Variants in F8 observed in about 807,000 individuals in gnomAD.
F8 encodes antihemophilic factor.
A neutral mutation model predicts 140.6 loss-of-function variants in F8; 12 were observed. The ratio of observed to expected loss-of-function variants is 0.09; its 90% CI spans 0.05 to 0.14. The LOEUF is 0.14. Among genes scored for constraint, F8 ranks in the 10% least tolerant of loss-of-function variants. F8 has a pLI of 1.00. For missense variants in F8, 1,354 were observed against 1,720.7 expected, an observed-to-expected ratio of 0.79 and a Z score of 3.77; for synonymous variants, 585 against 614.6, an observed-to-expected ratio of 0.95 and a Z score of 0.71.
At chrX:154,927,297 TA>T (rs1557278165) in intron 14 of F8, among the ~76,000 whole-genome samples, 1 of 111,326 alleles carries the variant, frequency 9.0e-6, no homozygotes. Context: ...GGGGAGGAAA[TA>T]ATAGCATGAT....
In F8 at chrX:155,022,577, T is replaced by C. The variant is rs372143310; in HGVS notation, c.-25A>G. ...TGACTTATTGCTACAAATGTTCAAC[T>C]GGAGAAGCAAAAGGTTAATTCTTCT... is the stretch of plus-strand genomic sequence containing the variant. On this transcript the variant is annotated 5_prime_UTR_variant, in exon 1 of 26. Coordinates refer to ENST00000360256, the MANE Select transcript of F8 (RefSeq NM_000132.4). 136 of 1,210,678 alleles carry C rather than the reference T, an allele frequency of 1.1e-4. No individual in the cohort carries two copies. Among genetic ancestry groups the C allele is most frequent in the Non-Finnish European group, 1.5e-4 (133 of 895,269 alleles).
chrX:154,996,950 C>T, intron 3 of F8, 23 bp downstream of exon 3: 1 of 1,208,170 alleles, frequency 8.3e-7, no homozygotes, highest in Non-Finnish European at 1.1e-6. Context: ...AATGACAGGA[C>T]AATAGGAGGG....
intron 22 of F8, among the ~76,000 whole-genome samples, chrX:154,892,718 AG>A (rs1653268340): frequency 8.9e-6 from 1 of 112,092 alleles, no homozygotes; most frequent in Admixed American, 9.4e-5. Flanking sequence ...GATACTAGTT[AG>A]GAGGGTGGGA....
chrX:155,005,469 G>A (rs934299921), intron 1 of F8, among the ~76,000 whole-genome samples: 7 of 110,496 alleles, frequency 6.3e-5, no homozygotes, highest in African/African-American at 2.3e-4. Flanking sequence ...GATCTAGAAT[G>A]GGTAGTAGAA....
chrX:154,976,378 A>T (rs782640216), intron 6 of F8, among the ~76,000 whole-genome samples: 49 of 110,433 alleles, frequency 4.4e-4, no homozygotes, highest in East Asian at 2.3e-3. Flanking sequence ...ATCTTTTTTT[A>T]AAAAAAAATT....
intron 14 of F8, among the ~76,000 whole-genome samples, chrX:154,907,579 T>C (rs782023781): frequency 1.2e-4 from 13 of 112,244 alleles, no homozygotes; most frequent in African/African-American, 4.2e-4. Context: ...TTGCTCCAAA[T>C]TATTACAAAT....
chrX:155,003,019 G>A (rs2073654967), intron 1 of F8, among the ~76,000 whole-genome samples: 1 of 111,640 alleles, frequency 9.0e-6, no homozygotes, highest in South Asian at 3.7e-4. Context: ...CTCATAGCCA[G>A]TACATCATGT....
intron 25 of F8, among the ~76,000 whole-genome samples, chrX:154,852,247 T>TC (rs1383726390): frequency 9.0e-6 from 1 of 110,513 alleles, no homozygotes; most frequent in Non-Finnish European, 1.9e-5. Context: ...TTTTTTTTCT[T>TC]GTTTTGTAGA....
At chrX:154,926,015 T>C (rs782290136) in intron 14 of F8, among the ~76,000 whole-genome samples, 1 of 112,211 alleles carries the variant, frequency 8.9e-6, no homozygotes, top group South Asian at 3.7e-4. Flanking sequence ...GGTAACTGAA[T>C]CATGGCAGTA....
intron 14 of F8, among the ~76,000 whole-genome samples, chrX:154,917,788 T>A (rs2073105923): frequency 9.0e-6 from 1 of 111,708 alleles, no homozygotes; most frequent in Admixed American, 9.5e-5. Context: ...TTTTAAATTA[T>A]TATTTTGATT....
chrX:154,892,653 C>A (rs1194215423), intron 22 of F8, among the ~76,000 whole-genome samples: 1 of 111,983 alleles, frequency 8.9e-6, no homozygotes, highest in Non-Finnish European at 1.9e-5. Flanking sequence ...AACAAGGGAT[C>A]CAGCAAGGAA....
chrX:154,871,889 A>G (rs960803252), intron 22 of F8, among the ~76,000 whole-genome samples: 1 of 112,383 alleles, frequency 8.9e-6, no homozygotes, highest in Non-Finnish European at 1.9e-5. Context: ...TGGGCAAAGG[A>G]TATGAACAGA....
intron 25 of F8, among the ~76,000 whole-genome samples, chrX:154,853,530 T>C (rs2072630741): frequency 8.9e-6 from 1 of 111,928 alleles, no homozygotes; most frequent in Non-Finnish European, 1.9e-5. Context: ...AATTTTAATA[T>C]GTAGGAATCC....
intron 3 of F8, among the ~76,000 whole-genome samples, chrX:154,994,879 G>T (rs187674495): frequency 8.9e-6 from 1 of 112,399 alleles, no homozygotes; most frequent in Admixed American, 9.4e-5. Context: ...CAGCTTGGAT[G>T]TGTTTGAAGC....
intron 14 of F8, among the ~76,000 whole-genome samples, chrX:154,919,303 C>G (rs1443911071): frequency 8.9e-6 from 1 of 112,117 alleles, no homozygotes; most frequent in African/African-American, 3.2e-5. Context: ...TTCTGTATCA[C>G]TTTTTTATTG....
intron 1 of F8, among the ~76,000 whole-genome samples, chrX:155,003,933 C>G (rs1254106770): frequency 1.0e-5 from 1 of 97,402 alleles, no homozygotes; most frequent in Non-Finnish European, 2.0e-5. Context: ...TGCACTCCAG[C>G]CTGGGTGACA....
chrX:154,945,693 C>G (rs1557280248), intron 13 of F8, among the ~76,000 whole-genome samples: 1 of 111,737 alleles, frequency 8.9e-6, no homozygotes, highest in Non-Finnish European at 1.9e-5. Context: ...GATAAGGATG[C>G]CCACTTTCAC....
At chrX:154,949,966 C>T (rs1452732927) in intron 12 of F8, among the ~76,000 whole-genome samples, 1 of 110,959 alleles carries the variant, frequency 9.0e-6, no homozygotes, top group Non-Finnish European at 1.9e-5. Flanking sequence ...GGGGTTTCAC[C>T]ATGTTGGCCA....
At chrX:154,900,374 C>A (rs2073003376) in intron 20 of F8, among the ~76,000 whole-genome samples, 1 of 110,515 alleles carries the variant, frequency 9.0e-6, no homozygotes, top group Non-Finnish European at 1.9e-5. Flanking sequence ...GCTGGGACTA[C>A]AATCGCGTAC....
Sources: gnomAD v4.1 joint callset for allele counts (sites outside exome capture counted in the v4.1 genomes callset) on GRCh38, gnomAD v4.1.1 for gene constraint, MANE v1.5 for transcripts, NCBI Gene and HGNC (gene_info 2026-07-23, HGNC 2026-07-21) for gene names.